The following DLG5 variants were observed in gnomAD, a reference collection of about 807,000 sequenced individuals.
DLG5 encodes the protein discs large MAGUK scaffold protein 5, also known as disks large homolog 5.
A neutral mutation model predicts 189.8 loss-of-function variants in DLG5; 48 were observed. The ratio of observed to expected loss-of-function variants is 0.25; its 90% CI spans 0.20 to 0.32. The LOEUF is 0.32. DLG5 is among the 10% of genes least tolerant of loss of function. DLG5 has a pLI of 1.00. For missense variants in DLG5, 2,160 were observed against 2,544.7 expected (o/e 0.85, Z 3.25); for synonymous variants, 1,016 against 1,054.1 (o/e 0.96, Z 0.70).
At chr10:77,874,392 G>A (rs573463302) in intron 1 of DLG5, among the ~76,000 whole-genome samples, 25 of 152,280 alleles carry the variant, frequency 1.6e-4, no homozygotes, top group Admixed American at 3.3e-4. Flanking sequence ...AGGATAAACT[G>A]ATTTAATGCA....
At chr10:77,929,850 C>A (rs1846770250), upstream of DLG5, 1 of 152,184 alleles carries the variant, frequency 6.6e-6, no homozygotes, top group Non-Finnish European at 1.5e-5. Flanking sequence ...TTTTAAGCCA[C>A]CCAGTTTGTG....
chr10:77,857,046 C>T (rs537939032), intron 2 of DLG5, among the ~76,000 whole-genome samples, 154 bp from the exon 3 acceptor site: 1 of 152,308 alleles, frequency 6.6e-6, no homozygotes, highest in African/African-American at 2.4e-5. Flanking sequence ...CACTGAGCCA[C>T]AGACGGTAGC....
chr10:77,861,018 C>A (rs1021262076), intron 2 of DLG5, among the ~76,000 whole-genome samples: 1 of 152,136 alleles, frequency 6.6e-6, no homozygotes, highest in African/African-American at 2.4e-5. Flanking sequence ...CAAAACAAAG[C>A]AATGCGGCAG....
intron 18 of DLG5, 68 bp from the exon 19 acceptor site, chr10:77,817,164 C>A (rs1459986806): frequency 2.2e-6 from 3 of 1,366,730 alleles, no homozygotes; most frequent in Non-Finnish European, 2.1e-6. Context: ...TTCCTCTCCA[C>A]CAGGCTACCA....
chr10:77,868,925 C>T (rs1393793848), intron 2 of DLG5: 2 of 584,904 alleles, frequency 3.4e-6, no homozygotes, highest in Non-Finnish European at 6.1e-6. Flanking sequence ...CATGTGCTTC[C>T]CAGCACTCAC....
At chr10:77,932,978 T>A in the DLG5 span, among the ~76,000 whole-genome samples, 10 of 152,206 alleles carry the variant, frequency 6.6e-5, no homozygotes, top group Non-Finnish European at 1.3e-4. Flanking sequence ...AAGATGCCCC[T>A]GCTCAGAAAT....
chr10:77,936,796 G>A, the DLG5 span, among the ~76,000 whole-genome samples: 2 of 152,160 alleles, frequency 1.3e-5, no homozygotes, highest in Admixed American at 6.5e-5. Flanking sequence ...GCAACCCTGC[G>A]AGGCCTATGC....
At chr10:77,896,148 A>AG (rs932650636) in intron 1 of DLG5, among the ~76,000 whole-genome samples, 1 of 151,858 alleles carries the variant, frequency 6.6e-6, no homozygotes, top group African/African-American at 2.4e-5. Flanking sequence ...GTGTCTCAAA[A>AG]AAAAAAAATA....
chr10:77,795,005 G>T lies in DLG5; in HGVS notation c.5437-47C>A, dbSNP rs968042996. ...GAGCCCTGGCGGGCAGTGAGGGGCAGCCAGCCCCCTGTCCTGCCACCAGCA... is the reference window on the plus strand; with the variant it reads ...GAGCCCTGGCGGGCAGTGAGGGGCATCCAGCCCCCTGTCCTGCCACCAGCA... On this transcript the variant is annotated intron_variant, in intron 29 of 31. Transcript: ENST00000372391. The T allele has an allele frequency of 9.8e-6, 15 of 1,526,874 alleles. 1 individual carries two copies. Among genetic ancestry groups the T allele is most frequent in the African/African-American group, 1.4e-5 (1 of 73,272 alleles). 94.6% of individuals were successfully genotyped at this position (1,526,874 alleles called of 1,614,324 possible).
the DLG5 span, among the ~76,000 whole-genome samples, chr10:77,939,816 A>G: frequency 1.3e-5 from 2 of 152,224 alleles, no homozygotes; most frequent in Non-Finnish European, 2.9e-5. Context: ...GTTTAAGCAA[A>G]CACGGTCACA....
intron 5 of DLG5, 87 bp downstream of exon 5, chr10:77,853,267 C>G: frequency 4.8e-6 from 6 of 1,260,866 alleles, no homozygotes; most frequent in Non-Finnish European, 6.2e-6. Context: ...CGTGCCCGGC[C>G]CAGCATTTAC....
At chr10:77,815,521 G>A (rs908413988) in intron 20 of DLG5, among the ~76,000 whole-genome samples, 8 of 152,076 alleles carry the variant, frequency 5.3e-5, no homozygotes, top group Admixed American at 1.3e-4. Flanking sequence ...TTAGCCAGGC[G>A]TGGTGGTGGG....
At chr10:77,870,798 G>T (rs560316584) in intron 1 of DLG5, among the ~76,000 whole-genome samples, 1 of 152,158 alleles carries the variant, frequency 6.6e-6, no homozygotes, top group Non-Finnish European at 1.5e-5. Flanking sequence ...GGGGGAGCGG[G>T]GCAGGGGAGG....
intron 1 of DLG5, among the ~76,000 whole-genome samples, chr10:77,924,228 G>C (rs980302149): frequency 6.6e-6 from 1 of 152,148 alleles, no homozygotes; most frequent in Admixed American, 6.5e-5. Flanking sequence ...TTTTTCTAAG[G>C]ATTTCATGAC....
rs763295100 is a variant in DLG5 at position 77,822,009 on chromosome 10, C to G, written c.2475G>C (p.Pro825=). The change falls in exon 15 of 32, where the codon CCG becomes CCC. Residue 825 remains proline, a synonymous_variant. Coordinates refer to ENST00000372391, the MANE Select transcript of DLG5 (RefSeq NM_004747.4). The stretch of plus-strand genomic sequence containing the variant: ...TCCGTTTGTTATGAGCCTGGACCTC[C>G]GGGCCATGGGCTCGAAAACTCAGCA... The part of the protein sequence containing the change: ...DKMLSFRAHG[P]EVQAHNKRNL... The G allele has an allele frequency of 1.2e-5, 19 of 1,614,076 alleles. No individual in the cohort carries two copies. The highest frequency in any genetic ancestry group is 1.5e-5 in the Non-Finnish European group (18 of 1,180,050).
At chr10:77,900,916 CAG>C (rs1845905197) in intron 1 of DLG5, among the ~76,000 whole-genome samples, 1 of 151,926 alleles carries the variant, frequency 6.6e-6, no homozygotes, top group East Asian at 1.9e-4. Flanking sequence ...CCCTGGGTGA[CAG>C]AGCGAGACTC....
chr10:77,855,393 C>T (rs1844181831), intron 3 of DLG5, among the ~76,000 whole-genome samples: 1 of 152,238 alleles, frequency 6.6e-6, no homozygotes, highest in Non-Finnish European at 1.5e-5. Flanking sequence ...GATTCTGGTG[C>T]ATGCTCAAGT....
intron 1 of DLG5, among the ~76,000 whole-genome samples, chr10:77,882,935 AC>A (rs1845327432): frequency 6.6e-6 from 1 of 150,580 alleles, no homozygotes; most frequent in African/African-American, 2.4e-5. Flanking sequence ...AAAAAAAAAC[AC>A]CCAAGAGCTT....
intron 2 of DLG5, among the ~76,000 whole-genome samples, chr10:77,857,318 C>T (rs543986651): frequency 8.5e-5 from 13 of 152,300 alleles, no homozygotes; most frequent in East Asian, 7.7e-4. Context: ...AGGCATGGCT[C>T]GAGGAGAAAG....
Sources: allele counts gnomAD v4.1 joint callset (sites outside exome capture counted in the v4.1 genomes callset), GRCh38; gene constraint gnomAD v4.1.1; transcripts MANE v1.5; gene names NCBI Gene and HGNC (gene_info 2026-07-23, HGNC 2026-07-21).